Variants in ABLIM1 observed in about 807,000 individuals in gnomAD.
The protein encoded by ABLIM1 is actin binding LIM protein 1.
Under a neutral mutation model 107.0 loss-of-function variants are expected in ABLIM1, and 40 were observed. The observed-to-expected ratio is 0.37, with a 90% CI of 0.29 to 0.49. ABLIM1 has a LOEUF of 0.49. Ranked by LOEUF, ABLIM1 falls within the 20% of genes least tolerant of loss-of-function variation. ABLIM1 has a pLI of 0.97. For synonymous variants in ABLIM1, 357 were observed against 357.3 expected, an observed-to-expected ratio of 1.00 and a Z score of 0.01; for missense variants, 857 against 1,008.5, an observed-to-expected ratio of 0.85 and a Z score of 2.04.
intron 1 of ABLIM1, among the ~76,000 whole-genome samples, chr10:114,732,107 T>TA: frequency 6.6e-6 from 1 of 152,104 alleles, no homozygotes; most frequent in South Asian, 2.1e-4. Context: ...GTCTTTTTTT[T>TA]ATTACAACCA....
chr10:114,751,486 C>T (rs1415343382), intron 1 of ABLIM1, among the ~76,000 whole-genome samples: 1 of 152,002 alleles, frequency 6.6e-6, no homozygotes, highest in African/African-American at 2.4e-5. Flanking sequence ...TCACAAGCAC[C>T]ATTAAAAATG....
At chr10:114,474,737 T>TTGATA (rs1216349847) in intron 8 of ABLIM1, among the ~76,000 whole-genome samples, 2 of 152,164 alleles carry the variant, frequency 1.3e-5, no homozygotes, top group African/African-American at 4.8e-5. Context: ...GTCTCCAGCA[T>TTGATA]TGATATAGTT....
intron 1 of ABLIM1, among the ~76,000 whole-genome samples, chr10:114,676,055 C>T (rs901175703): frequency 2.0e-5 from 3 of 152,130 alleles, no homozygotes; most frequent in Non-Finnish European, 4.4e-5. Context: ...CAGGTACTGG[C>T]GATTAGGACT....
intron 3 of ABLIM1, among the ~76,000 whole-genome samples, chr10:114,573,808 G>T (rs967260523): frequency 6.6e-6 from 1 of 152,126 alleles, no homozygotes; most frequent in Non-Finnish European, 1.5e-5. Flanking sequence ...AAATCACATA[G>T]GTCTCAATTC....
chr10:114,610,929 A>G (rs1490293076), intron 1 of ABLIM1, among the ~76,000 whole-genome samples: 1 of 152,146 alleles, frequency 6.6e-6, no homozygotes, highest in Non-Finnish European at 1.5e-5. Flanking sequence ...CCAGGCAGGC[A>G]GATCACGAGG....
chr10:114,528,679 C>T (rs768307346), intron 6 of ABLIM1, among the ~76,000 whole-genome samples: 1 of 152,222 alleles, frequency 6.6e-6, no homozygotes. Context: ...CCTCCTGAAT[C>T]AGAATGTCTG....
chr10:114,715,275 A>G (rs2081637634), intron 1 of ABLIM1, among the ~76,000 whole-genome samples: 1 of 152,126 alleles, frequency 6.6e-6, no homozygotes, highest in African/African-American at 2.4e-5. Context: ...CTGCTTAGAG[A>G]ATGTTACCCT....
chr10:114,542,438 GAA>G (rs375774485), intron 6 of ABLIM1, among the ~76,000 whole-genome samples: 7 of 96,454 alleles, frequency 7.3e-5, no homozygotes, highest in African/African-American at 2.4e-4. Context: ...AAAGAAAAAA[GAA>G]AAAAAAAAAA....
At chr10:114,583,462 CACACACATATATAT>C (rs2073799232) in intron 2 of ABLIM1, among the ~76,000 whole-genome samples, 12 of 9,064 alleles carry the variant, frequency 1.3e-3, no homozygotes, top group Non-Finnish European at 1.9e-3. Flanking sequence ...CACACACACA[CACACACATATATAT>C]ATATATATAT....
chr10:114,626,878 G>A (rs1045048477), intron 1 of ABLIM1, among the ~76,000 whole-genome samples: 1 of 152,294 alleles, frequency 6.6e-6, no homozygotes, highest in East Asian at 1.9e-4. Context: ...CAGGGAGAAT[G>A]CCCTGTGAAC....
At chr10:114,763,665 T>G (rs550701871) in intron 1 of ABLIM1, among the ~76,000 whole-genome samples, 153 of 152,326 alleles carry the variant, frequency 1.0e-3, no homozygotes, top group Admixed American at 2.0e-3. Context: ...ATCAGAGGCA[T>G]GAGCCACTGC....
At chr10:114,560,155 A>G (rs920982354) in intron 4 of ABLIM1, among the ~76,000 whole-genome samples, 16 of 152,228 alleles carry the variant, frequency 1.1e-4, no homozygotes, top group Admixed American at 6.5e-4. Context: ...CCAAGACCCA[A>G]AAGGATTAAA....
intron 1 of ABLIM1, among the ~76,000 whole-genome samples, chr10:114,738,699 C>T (rs1275010880): frequency 6.6e-6 from 1 of 151,988 alleles, no homozygotes; most frequent in Non-Finnish European, 1.5e-5. Flanking sequence ...TTTTACTGTG[C>T]CTCAAAACCG....
intron 1 of ABLIM1, among the ~76,000 whole-genome samples, chr10:114,750,199 G>A (rs1458337565): frequency 6.6e-6 from 1 of 152,086 alleles, no homozygotes; most frequent in Non-Finnish European, 1.5e-5. Context: ...AAATAATACT[G>A]TTCCTACTAT....
At chr10:114,796,419 G>A in the ABLIM1 span, among the ~76,000 whole-genome samples, 1 of 152,154 alleles carries the variant, frequency 6.6e-6, no homozygotes, top group Non-Finnish European at 1.5e-5. Context: ...GTCTCTCCAG[G>A]GTTGTTTGTG....
chr10:114,453,762 A>G (rs1318799807), intron 12 of ABLIM1, among the ~76,000 whole-genome samples: 1 of 152,192 alleles, frequency 6.6e-6, no homozygotes, highest in Admixed American at 6.5e-5. Context: ...GTGAGCTCGC[A>G]GCAAACTGAT....
At chr10:114,474,642 A>G (rs887529118) in intron 8 of ABLIM1, among the ~76,000 whole-genome samples, 5 of 152,060 alleles carry the variant, frequency 3.3e-5, no homozygotes, top group Non-Finnish European at 7.4e-5. Flanking sequence ...CACCTCCCCA[A>G]GTGCTGGGAT....
At chr10:114,496,190 A>G (rs954661201) in intron 6 of ABLIM1, among the ~76,000 whole-genome samples, 3 of 152,186 alleles carry the variant, frequency 2.0e-5, no homozygotes, top group Non-Finnish European at 4.4e-5. Flanking sequence ...AAATTACATC[A>G]ACTTATAAGA....
chr10:114,466,736 T>A (rs766655219), intron 11 of ABLIM1, among the ~76,000 whole-genome samples: 1 of 152,176 alleles, frequency 6.6e-6, no homozygotes. Context: ...GGGAAACATA[T>A]CCCAAGAAAA....
Sources: gnomAD v4.1 joint callset for allele counts (sites outside exome capture counted in the v4.1 genomes callset) on GRCh38, gnomAD v4.1.1 for gene constraint, MANE v1.5 for transcripts, NCBI Gene and HGNC (gene_info 2026-07-23, HGNC 2026-07-21) for gene names.